The following FGF12 variants were observed in gnomAD, a reference collection of about 807,000 sequenced individuals.
FGF12 encodes the protein fibroblast growth factor 12, also known as fibroblast growth factor 12B.
A neutral mutation model predicts 23.6 loss-of-function variants in FGF12; 14 were observed. The observed-to-expected ratio is 0.59, with a 90% confidence interval of 0.39 to 0.93. The LOEUF is 0.93. Among genes scored for constraint, FGF12 ranks in the 40% least tolerant of loss-of-function variants. The pLI, the probability that FGF12 is intolerant of heterozygous loss-of-function variation, is 0.00. For synonymous variants in FGF12, 62 were observed against 77.3 expected (o/e 0.80, Z 1.04); for missense variants, 175 against 217.8 (o/e 0.80, Z 1.24).
At chr3:192,712,940 C>T (rs752669739) in intron 2 of FGF12, among the ~76,000 whole-genome samples, 1 of 152,034 alleles carries the variant, frequency 6.6e-6, no homozygotes, top group African/African-American at 2.4e-5. Context: ...TATTACTTCA[C>T]GATGAAATTG....
rs567677794 is a variant in FGF12, at chr3:192,236,703, T to A, written c.229-66047A>T. 5.9e-5 allele frequency among the ~76,000 whole-genome samples: 9 copies of A among 152,306 alleles called. No homozygotes were observed. In the South Asian group the frequency reaches 1.9e-3, roughly 32 times the overall value. ...TCTTTCTTGCTCTCCCTTTGCTTGA[T>A]CTTTCTCCATCCCTTTACTTTGAGC... On this transcript the variant is annotated intron_variant, in intron 4 of 5. Coordinates refer to ENST00000445105, the MANE Select transcript of FGF12 (RefSeq NM_004113.6).
At position 192,335,360 on chromosome 3, in the gene FGF12, C is replaced by G; in HGVS notation, c.228+1G>C. On this transcript the variant is annotated splice_donor_variant, in intron 4 of 5. Transcript: ENST00000445105. LOFTEE classifies it high-confidence loss of function. ...ACAAATACACACTACAATGTACTTACTGAACTGTAGAGATAGCCTTCACCA... is the reference window on the plus strand; with the variant it reads ...ACAAATACACACTACAATGTACTTAGTGAACTGTAGAGATAGCCTTCACCA... 6.3e-7 allele frequency: 1 copy of G among 1,594,968 alleles called. No individual in the cohort carries two copies. Among genetic ancestry groups the G allele is most frequent in the Non-Finnish European group, 8.6e-7 (1 of 1,162,908 alleles).
chr3:192,168,627 G>A (rs1715363058), intron 5 of FGF12, among the ~76,000 whole-genome samples: 1 of 152,022 alleles, frequency 6.6e-6, no homozygotes, highest in Non-Finnish European at 1.5e-5. Flanking sequence ...AAGTTCTCTG[G>A]CGCATATATT....
At chr3:192,345,666 G>A (rs1717920578) in intron 3 of FGF12, among the ~76,000 whole-genome samples, 1 of 38,738 alleles carries the variant, frequency 2.6e-5, no homozygotes, top group Non-Finnish European at 3.6e-5. Context: ...CAGCCTGGGC[G>A]ACAGAGCGAG....
intron 4 of FGF12, among the ~76,000 whole-genome samples, chr3:192,198,225 T>G (rs180765110): frequency 3.9e-5 from 6 of 152,312 alleles, no homozygotes; most frequent in Admixed American, 1.3e-4. Context: ...GGAGAGAATG[T>G]TCAACTTTTT....
In FGF12 at chr3:192,408,850, G is replaced by C. The variant is rs1481557593; in HGVS notation, c.14-48312C>G. On this transcript the variant is annotated intron_variant, in intron 2 of 5. Coordinates refer to ENST00000445105, the MANE Select transcript of FGF12 (RefSeq NM_004113.6). The surrounding 1 kb of genome is among the most constrained non-coding windows in gnomAD (Gnocchi z 7.3). ...TTAACTCCCTGCGGCCCGCGGTTCTGAAGATTAGGAGGTCCGTCCCAGCAG... is the reference window on the plus strand; with the variant it reads ...TTAACTCCCTGCGGCCCGCGGTTCTCAAGATTAGGAGGTCCGTCCCAGCAG... 1.0e-6 allele frequency: 1 copy of C among 985,400 alleles called. No individual in the cohort carries two copies. Among genetic ancestry groups the C allele is most frequent in the Non-Finnish European group, 1.2e-6 (1 of 830,034 alleles). The allele number at this position is 985,400 out of a possible 1,614,324, so 61.0% of individuals were successfully genotyped here. A position where few individuals can be genotyped will look rare whatever the true frequency, so the allele number is the denominator to read the frequency against.
chr3:192,533,032 C>G (rs1291641698), intron 2 of FGF12, among the ~76,000 whole-genome samples: 3 of 152,110 alleles, frequency 2.0e-5, no homozygotes, highest in African/African-American at 7.2e-5. Flanking sequence ...TCATCTGACA[C>G]CATCTTACTC....
At chr3:192,214,051 G>A (rs1461367550) in intron 4 of FGF12, among the ~76,000 whole-genome samples, 1 of 152,088 alleles carries the variant, frequency 6.6e-6, no homozygotes, top group African/African-American at 2.4e-5. Flanking sequence ...ATATTATAAC[G>A]CTCGTTACTA....
At chr3:192,196,913 T>C (rs114018118) in intron 4 of FGF12, among the ~76,000 whole-genome samples, 1 of 152,242 alleles carries the variant, frequency 6.6e-6, no homozygotes, top group Non-Finnish European at 1.5e-5. Context: ...AATAACTTAA[T>C]AAGACAGTGA....
At chr3:192,164,320 G>C (rs2108608881) in intron 5 of FGF12, among the ~76,000 whole-genome samples, 1 of 152,296 alleles carries the variant, frequency 6.6e-6, no homozygotes, top group South Asian at 2.1e-4. Context: ...GGGGACCCAT[G>C]TAAGTAGAGG....
intron 2 of FGF12, among the ~76,000 whole-genome samples, chr3:192,502,778 G>A (rs1222561686): frequency 1.3e-5 from 2 of 152,202 alleles, no homozygotes; most frequent in East Asian, 1.9e-4. Context: ...TGGGAGTAGC[G>A]CCTAATTGCT....
chr3:192,435,691 T>C (rs1238910067), intron 2 of FGF12, among the ~76,000 whole-genome samples: 1 of 152,196 alleles, frequency 6.6e-6, no homozygotes, highest in East Asian at 1.9e-4. Context: ...CAAGTTACTC[T>C]GAAGGATGAA....
intron 2 of FGF12, among the ~76,000 whole-genome samples, chr3:192,545,672 C>A (rs947383233): frequency 2.0e-5 from 3 of 152,200 alleles, no homozygotes; most frequent in African/African-American, 7.2e-5. Context: ...CCAGAGGGTT[C>A]TTTTATGGAT....
chr3:192,248,866 T>A (rs1711815627), intron 4 of FGF12, among the ~76,000 whole-genome samples: 1 of 152,152 alleles, frequency 6.6e-6, no homozygotes, highest in African/African-American at 2.4e-5. Context: ...ATTTGATCTA[T>A]CAGAAAACCC....
chr3:192,571,053 C>G (rs1234841011), intron 2 of FGF12, among the ~76,000 whole-genome samples: 2 of 151,862 alleles, frequency 1.3e-5, no homozygotes, highest in Non-Finnish European at 2.9e-5. Flanking sequence ...TCCAATTCCT[C>G]TCTGCTTTCA....
At chr3:192,721,129 T>C (rs538610893) in intron 2 of FGF12, among the ~76,000 whole-genome samples, 2 of 152,318 alleles carry the variant, frequency 1.3e-5, no homozygotes, top group Admixed American at 6.5e-5. Context: ...TTATTGAGTG[T>C]CGTGCAGTAT....
At chr3:192,631,586 G>A (rs1454811434) in intron 2 of FGF12, among the ~76,000 whole-genome samples, 1 of 152,130 alleles carries the variant, frequency 6.6e-6, no homozygotes, top group Non-Finnish European at 1.5e-5. Flanking sequence ...GAAAGTAAGT[G>A]GCCTTGTCTA....
rs543208638 is a variant in FGF12, at chr3:192,147,487, C to T, written c.428-3360G>A. ...AACAAAATTAAGGAAGGAAACAAGG[C>T]GTAAGTGTTCTCTAAAGTGCATTAT... On this transcript the variant is annotated intron_variant, in intron 5 of 5. Coordinates refer to ENST00000445105, the MANE Select transcript of FGF12 (RefSeq NM_004113.6). Among the ~76,000 whole-genome samples, 6 of 152,194 alleles carry T rather than the reference C, an allele frequency of 3.9e-5. No homozygotes were observed. The East Asian group carries it at 9.6e-4, about 24-fold the overall frequency.
chr3:192,491,429 A>G (rs991580572), intron 2 of FGF12, among the ~76,000 whole-genome samples: 1 of 152,102 alleles, frequency 6.6e-6, no homozygotes, highest in Non-Finnish European at 1.5e-5. Flanking sequence ...TTGAGTTTTC[A>G]TAACCTAATA....
Sources: gnomAD v4.1 joint callset for allele counts (sites outside exome capture counted in the v4.1 genomes callset) on GRCh38, gnomAD v4.1.1 for gene constraint, Gnocchi (gnomAD v3.1) non-coding constraint, MANE v1.5 for transcripts, NCBI Gene and HGNC (gene_info 2026-07-23, HGNC 2026-07-21) for gene names.